FADS2: variants seen among roughly 807,000 people sequenced by gnomAD.
FADS2 encodes acyl-CoA 6-desaturase.
A neutral mutation model predicts 61.2 loss-of-function variants in FADS2; 18 were observed. The ratio of observed to expected loss-of-function variants is 0.29; its 90% confidence interval spans 0.20 to 0.44. FADS2 has a LOEUF of 0.44. Ranked by LOEUF, FADS2 falls within the 20% of genes least tolerant of loss-of-function variation. The pLI is 1.00. For missense variants in FADS2, 322 were observed against 572.7 expected, an observed-to-expected ratio of 0.56 and a Z score of 4.47; for synonymous variants, 203 against 223.9, an observed-to-expected ratio of 0.91 and a Z score of 0.83.
intron 9 of FADS2, 100 bp downstream of exon 9, chr11:61,863,478 C>T (rs544354940): frequency 1.9e-4 from 183 of 959,810 alleles, no homozygotes; most frequent in Admixed American, 1.6e-4. Context: ...CTGGGCCTCC[C>T]GGGGCTGCCT....
At chr11:61,834,262 A>G (rs543316497) in intron 1 of FADS2, among the ~76,000 whole-genome samples, 7 of 152,348 alleles carry the variant, frequency 4.6e-5, no homozygotes, top group Admixed American at 2.6e-4. Flanking sequence ...CTGATCCAAC[A>G]GACTGCTCGG....
intron 5 of FADS2, among the ~76,000 whole-genome samples, chr11:61,851,278 A>T (rs2067304658): frequency 1.3e-5 from 2 of 152,302 alleles, no homozygotes; most frequent in South Asian, 4.1e-4. Flanking sequence ...CACCAGCTGC[A>T]CTGGCAAGAA....
chr11:61,829,740 C>T (rs174570), intron 1 of FADS2, among the ~76,000 whole-genome samples: 23,394 of 152,106 alleles, frequency 0.15, 3,215 homozygotes, highest in East Asian at 0.55. Context: ...ATGAACTTGA[C>T]GTAGATCATT....
intron 4 of FADS2, among the ~76,000 whole-genome samples, chr11:61,844,431 C>T (rs1020709831): frequency 1.3e-5 from 2 of 151,810 alleles, no homozygotes; most frequent in African/African-American, 4.8e-5. Flanking sequence ...ATTAGCCAGG[C>T]GAGGGTGCTC....
At chr11:61,824,459 G>GGAGGGAGA (rs2067059828), upstream of FADS2, among the ~76,000 whole-genome samples, 1 of 5,852 alleles carries the variant, frequency 1.7e-4, no homozygotes, top group African/African-American at 5.5e-4. Context: ...AGGGAGGGAG[G>GGAGGGAGA]GAGAGAGAGA....
upstream of FADS2, chr11:61,826,321 G>C (rs1002936623): frequency 5.7e-6 from 4 of 702,520 alleles, no homozygotes; most frequent in East Asian, 1.1e-4. Flanking sequence ...AGCCGCTGGG[G>C]ACCCCAGGCC....
chr11:61,826,077 T>G, upstream of FADS2: 2 of 702,578 alleles, frequency 2.8e-6, no homozygotes, highest in Non-Finnish European at 5.2e-6. Flanking sequence ...GGAGTTATCT[T>G]TCTACACCAT....
At chr11:61,823,568 G>C (rs887217920), upstream of FADS2, among the ~76,000 whole-genome samples, 1 of 152,200 alleles carries the variant, frequency 6.6e-6, no homozygotes, top group Non-Finnish European at 1.5e-5. Context: ...TCCAGCTGGA[G>C]TGCAGTGGCA....
chr11:61,843,761 C>T (rs2067234662), intron 4 of FADS2, among the ~76,000 whole-genome samples: 1 of 152,120 alleles, frequency 6.6e-6, no homozygotes, highest in South Asian at 2.1e-4. Flanking sequence ...CGGGTTCAAG[C>T]GATTCTCCTG....
At chr11:61,864,539 G>A (rs528902619) in intron 10 of FADS2, among the ~76,000 whole-genome samples, 27 of 152,226 alleles carry the variant, frequency 1.8e-4, no homozygotes, top group Admixed American at 1.1e-3. Flanking sequence ...GATTACAGGC[G>A]TGTGCCACCA....
At chr11:61,826,337 C>T (rs766559026), upstream of FADS2, 31 of 702,454 alleles carry the variant, frequency 4.4e-5, no homozygotes, top group South Asian at 3.0e-4. Flanking sequence ...AGGCCCTGGC[C>T]GGTCCACGCT....
At chr11:61,848,063 A>T in intron 4 of FADS2, 96 bp from the exon 5 acceptor site, 1 of 1,503,956 alleles carries the variant, frequency 6.6e-7, no homozygotes. Context: ...CCGAGGGTTG[A>T]AGGTTCCGGG....
upstream of FADS2, among the ~76,000 whole-genome samples, chr11:61,827,068 C>A (rs932627041): frequency 1.3e-5 from 2 of 152,200 alleles, no homozygotes; most frequent in Non-Finnish European, 2.9e-5. This position sits in a 1 kb window ranked among gnomAD's most constrained non-coding sequence, Gnocchi z 4.5. Flanking sequence ...GCACCCCACC[C>A]TCTCTGTTCA....
At position 61,828,748 on chromosome 11, in the gene FADS2, C is replaced by A. The variant is rs1266127138; in HGVS notation, c.207+151C>A. On this transcript the variant is annotated intron_variant, in intron 1 of 11. Coordinates refer to ENST00000278840, the MANE Select transcript of FADS2 (RefSeq NM_004265.4). The surrounding 1 kb of genome is among the most constrained non-coding windows in gnomAD (Gnocchi z 6.4). ...AGTGCATCTATTGCACTCGTACCCC[C>A]TCCCCAATCCTCCTCCTCCTCTGGG... is the stretch of plus-strand genomic sequence containing the variant. 1.5e-6 allele frequency: 1 copy of A among 653,366 alleles called. No homozygotes were observed. The highest frequency in any genetic ancestry group is 1.8e-5 in the African/African-American group (1 of 54,674). 40.5% of individuals were successfully genotyped at this position (653,366 alleles called of 1,614,324 possible).
At position 61,840,407 on chromosome 11, in the gene FADS2, T is replaced by C. The variant is rs895788438; in HGVS notation, c.392T>C (p.Val131Ala). ...ATGAACCTGTTCAAGACCAACCACG[T>C]GTTCTTCCTCCTCCTCCTGGCCCAC... ...EDMNLFKTNH[V>A]FFLLLLAHII... The change falls in exon 3 of 12, where the codon GTG (valine) becomes GCG (alanine). Residue 131 changes from valine to alanine, a missense_variant. By Grantham distance (64) the Val-to-Ala change is moderately conservative. This residue lies in a region of FADS2 where 221 missense variants were observed against 427.9 expected (regional missense o/e 0.52). Transcript: ENST00000278840. 6.2e-7 allele frequency: 1 copy of C among 1,614,186 alleles called. No homozygotes were observed. The highest frequency in any genetic ancestry group is 8.5e-7 in the Non-Finnish European group (1 of 1,180,014).
intron 1 of FADS2, among the ~76,000 whole-genome samples, chr11:61,820,848 CGAGAT>C: frequency 6.6e-6 from 1 of 152,056 alleles, no homozygotes; most frequent in South Asian, 2.1e-4. Context: ...TGCAGTGAGC[CGAGAT>C]TGCACCACTG....
At chr11:61,837,583 T>G (rs1258031361) in intron 1 of FADS2, among the ~76,000 whole-genome samples, 195 bp from the exon 2 acceptor site, 2 of 152,242 alleles carry the variant, frequency 1.3e-5, no homozygotes, top group African/African-American at 4.8e-5. Context: ...CAGGTGGCTG[T>G]TGCCATTGGC....
intron 5 of FADS2, among the ~76,000 whole-genome samples, chr11:61,850,412 G>A (rs983016717): frequency 1.3e-5 from 2 of 152,142 alleles, no homozygotes; most frequent in African/African-American, 4.8e-5. Context: ...CACCACGCCT[G>A]GCTAATTTTC....
At position 61,865,604 on chromosome 11, in the gene FADS2, G is replaced by A; in HGVS notation, c.1284-34G>A. Reference sequence around the variant, plus strand: ...CACTCCCTGGGGCCACTCCCGTCCTGGTCCCTGACCCTGGTCCATCCCCAA... The same window carrying A: ...CACTCCCTGGGGCCACTCCCGTCCTAGTCCCTGACCCTGGTCCATCCCCAA... On this transcript the variant is annotated intron_variant, in intron 11 of 11. Transcript: ENST00000278840. This position sits in a 1 kb window ranked among gnomAD's most constrained non-coding sequence, Gnocchi z 4.1. 6.2e-7 allele frequency: 1 copy of A among 1,606,334 alleles called. No individual in the cohort carries two copies.
Sources: allele counts gnomAD v4.1 joint callset (sites outside exome capture counted in the v4.1 genomes callset), GRCh38; gene constraint gnomAD v4.1.1; regional missense constraint gnomAD v4.1.1; non-coding constraint Gnocchi (gnomAD v3.1); transcripts MANE v1.5; gene names NCBI Gene and HGNC (gene_info 2026-07-23, HGNC 2026-07-21).